Variants in ZNRF1 observed in about 807,000 individuals in gnomAD.
The protein encoded by ZNRF1 is E3 ubiquitin-protein ligase ZNRF1.
A neutral mutation model predicts 18.4 loss-of-function variants in ZNRF1; 3 were observed. That is an observed-to-expected ratio of 0.16 (90% CI 0.07 to 0.42). The LOEUF is 0.42. ZNRF1 is among the 10% of genes least tolerant of loss of function. The probability of loss-of-function intolerance (pLI) is 0.99; values close to 1 mark genes in which losing one functional copy is unlikely to be tolerated. For synonymous variants in ZNRF1, 157 were observed against 144.2 expected (o/e 1.09, Z -0.64); for missense variants, 310 against 329.8 (o/e 0.94, Z 0.47).
intron 1 of ZNRF1, among the ~76,000 whole-genome samples, chr16:75,053,618 A>T (rs1205414022): frequency 6.7e-6 from 1 of 149,898 alleles, no homozygotes; most frequent in African/African-American, 2.5e-5. Context: ...AAAAATCACC[A>T]ATGTCCAGTG....
intron 4 of ZNRF1, chr16:75,106,876 C>T (rs969580656): frequency 1.5e-5 from 4 of 272,682 alleles, no homozygotes; most frequent in Non-Finnish European, 2.2e-5. Context: ...GGAATGTGCA[C>T]GGGCAGGAAA....
intron 1 of ZNRF1, among the ~76,000 whole-genome samples, chr16:75,074,310 G>C (rs2035911372): frequency 6.6e-6 from 1 of 152,254 alleles, no homozygotes; most frequent in East Asian, 1.9e-4. Flanking sequence ...ATGCCACCCG[G>C]TGAGGCTCCA....
chr16:75,099,770 A>C (rs559536505), intron 2 of ZNRF1, among the ~76,000 whole-genome samples: 67 of 152,248 alleles, frequency 4.4e-4, no homozygotes, highest in Non-Finnish European at 7.4e-4. Context: ...TTGTGCTGCG[A>C]GGCCCCCGCC....
At chr16:75,012,246 C>A (rs1468515820) in intron 1 of ZNRF1, among the ~76,000 whole-genome samples, 2 of 152,174 alleles carry the variant, frequency 1.3e-5, no homozygotes, top group African/African-American at 4.8e-5. Flanking sequence ...GTAGCATGAC[C>A]AGTGAGACTG....
At chr16:75,062,388 AC>A (rs1379512097) in intron 1 of ZNRF1, among the ~76,000 whole-genome samples, 2 of 152,244 alleles carry the variant, frequency 1.3e-5, no homozygotes, top group Non-Finnish European at 2.9e-5. Context: ...TGGCCAGTGC[AC>A]TGACCTTTTG....
chr16:75,096,535 G>A (rs2036201933), intron 2 of ZNRF1, among the ~76,000 whole-genome samples: 1 of 152,124 alleles, frequency 6.6e-6, no homozygotes, highest in Non-Finnish European at 1.5e-5. Context: ...AGAGGTGTGA[G>A]TTCTTGGAAT....
intron 1 of ZNRF1, among the ~76,000 whole-genome samples, chr16:75,086,476 A>G (rs1194375139): frequency 1.3e-5 from 2 of 152,160 alleles, no homozygotes; most frequent in East Asian, 3.9e-4. Flanking sequence ...TCTAGGAGAG[A>G]CTGACTCACA....
intron 1 of ZNRF1, among the ~76,000 whole-genome samples, chr16:75,042,443 CTTTTTTT>C (rs56212046): frequency 6.8e-5 from 8 of 116,962 alleles, no homozygotes; most frequent in Non-Finnish European, 3.5e-5. Flanking sequence ...CTGTTTCTTT[CTTTTTTT>C]TTTTTTTTTT....
chr16:75,100,064 C>T (rs1030373138), intron 2 of ZNRF1, among the ~76,000 whole-genome samples: 1 of 152,200 alleles, frequency 6.6e-6, no homozygotes, highest in Non-Finnish European at 1.5e-5. Context: ...CTGGCTTCCC[C>T]ATGCTGTCTG....
In ZNRF1 at chr16:75,082,443, G is replaced by A. The variant is rs375311478; in HGVS notation, c.425-11129G>A. Among the ~76,000 whole-genome samples, 20 of 152,340 alleles carry A rather than the reference G, an allele frequency of 1.3e-4. 2 individuals are homozygous for A. Among genetic ancestry groups the A allele is most frequent in the South Asian group, 1.0e-3 (5 of 4,828 alleles). ...TGCAGGCTGGACTTACTGTACAGCA[G>A]GGTGGGTTTGATGTCTTCACGCTCA... On this transcript the variant is annotated intron_variant, in intron 1 of 4. Transcript: ENST00000335325.
At chr16:75,015,020 A>G (rs1026376591) in intron 1 of ZNRF1, among the ~76,000 whole-genome samples, 1 of 151,848 alleles carries the variant, frequency 6.6e-6, no homozygotes, top group Non-Finnish European at 1.5e-5. Context: ...GTTTGTACGA[A>G]TTTGTTTTTG....
chr16:75,076,314 C>G lies in ZNRF1; in HGVS notation c.425-17258C>G, dbSNP rs140156507. On this transcript the variant is annotated intron_variant, in intron 1 of 4. Transcript: ENST00000335325. ...ATGAATCTCCCTTAGAATGTGGCAT[C>G]TTATTTCAGGAGGCTGATGGATCCG... Among the ~76,000 whole-genome samples the G allele has an allele frequency of 5.3e-3, 803 of 152,210 alleles. 9 individuals are homozygous for G. Among genetic ancestry groups the G allele is most frequent in the African/African-American group, 0.019 (771 of 41,552 alleles).
intron 1 of ZNRF1, among the ~76,000 whole-genome samples, chr16:75,031,836 C>T (rs551756311): frequency 6.6e-6 from 1 of 151,806 alleles, no homozygotes; most frequent in Non-Finnish European, 1.5e-5. Context: ...TCGGTCAGTT[C>T]TACTGTGTCG....
At chr16:75,073,257 T>C (rs1784087062) in intron 1 of ZNRF1, among the ~76,000 whole-genome samples, 1 of 152,082 alleles carries the variant, frequency 6.6e-6, no homozygotes, top group South Asian at 2.1e-4. Context: ...AGGCAAGATT[T>C]TTTTTTTCAC....
chr16:75,026,737 A>G (rs1478527287), intron 1 of ZNRF1, among the ~76,000 whole-genome samples: 2 of 151,106 alleles, frequency 1.3e-5, no homozygotes, highest in African/African-American at 4.9e-5. Context: ...GGAGTTCGAG[A>G]CCAGCCTGGC....
chr16:75,080,201 C>G lies in ZNRF1; in HGVS notation c.425-13371C>G, dbSNP rs9940669. On this transcript the variant is annotated intron_variant, in intron 1 of 4. Transcript: ENST00000335325. ...AAAGTGCTGGGATTATAGGCATGAGCCACCGTGCCTGGCTGAGCTGATGGT... is the reference window on the plus strand; with the variant it reads ...AAAGTGCTGGGATTATAGGCATGAGGCACCGTGCCTGGCTGAGCTGATGGT... 3.2e-3 allele frequency among the ~76,000 whole-genome samples: 490 copies of G among 152,344 alleles called. 3 individuals are homozygous for G. Among genetic ancestry groups the G allele is most frequent in the African/African-American group, 0.011 (466 of 41,580 alleles).
chr16:75,058,034 G>A (rs1224898487), intron 1 of ZNRF1, among the ~76,000 whole-genome samples: 1 of 152,056 alleles, frequency 6.6e-6, no homozygotes, highest in Non-Finnish European at 1.5e-5. Flanking sequence ...AGGCCTGAGA[G>A]AGAACCGCAT....
intron 2 of ZNRF1, among the ~76,000 whole-genome samples, chr16:75,098,179 C>G (rs1346229402): frequency 1.3e-5 from 2 of 152,236 alleles, no homozygotes; most frequent in Non-Finnish European, 2.9e-5. Flanking sequence ...CCAGCTGTTG[C>G]TGACCGGCTG....
At chr16:75,081,399 A>G (rs1396944820) in intron 1 of ZNRF1, among the ~76,000 whole-genome samples, 1 of 152,076 alleles carries the variant, frequency 6.6e-6, no homozygotes, top group Non-Finnish European at 1.5e-5. Flanking sequence ...CAGCCCACAA[A>G]TCCCTTGGGA....
Sources: allele counts gnomAD v4.1 joint callset (sites outside exome capture counted in the v4.1 genomes callset), GRCh38; gene constraint gnomAD v4.1.1; transcripts MANE v1.5; gene names NCBI Gene and HGNC (gene_info 2026-07-23, HGNC 2026-07-21).